The following ATG7 variants were observed in gnomAD, a reference collection of about 807,000 sequenced individuals.
The protein encoded by ATG7 is ubiquitin-like modifier-activating enzyme ATG7.
ATG7 carries 70 observed loss-of-function variants against 82.4 expected under a neutral mutation model. The ratio of observed to expected loss-of-function variants is 0.85; its 90% CI spans 0.70 to 1.04. The LOEUF (loss-of-function observed/expected upper bound fraction) is 1.04, where lower values mean the gene tolerates loss of function less well. ATG7 is among the 50% of genes least tolerant of loss of function. The pLI is 0.00. For synonymous variants in ATG7, 287 were observed against 313.0 expected, an observed-to-expected ratio of 0.92 and a Z score of 0.88; for missense variants, 792 against 864.3, an observed-to-expected ratio of 0.92 and a Z score of 1.05.
At chr3:11,565,798 G>A in the ATG7 span, among the ~76,000 whole-genome samples, 1 of 152,172 alleles carries the variant, frequency 6.6e-6, no homozygotes. The surrounding 1 kb of genome is among the most constrained non-coding windows in gnomAD (Gnocchi z 4.1). Context: ...TTAGTCTGAA[G>A]GCAGCGTTAC....
intron 19 of ATG7, among the ~76,000 whole-genome samples, chr3:11,405,155 G>A (rs1036615197): frequency 5.9e-5 from 9 of 152,124 alleles, no homozygotes; most frequent in African/African-American, 2.2e-4. Flanking sequence ...CTGGAAAAAA[G>A]GCTGGGTGAA....
chr3:11,420,790 T>C (rs1290329425), intron 19 of ATG7, among the ~76,000 whole-genome samples: 1 of 149,174 alleles, frequency 6.7e-6, no homozygotes, highest in Non-Finnish European at 1.5e-5. Context: ...AGAGTCTCAC[T>C]TGTTGCCCAG....
chr3:11,566,179 C>T, the ATG7 span, among the ~76,000 whole-genome samples: 3 of 152,130 alleles, frequency 2.0e-5, no homozygotes, highest in Non-Finnish European at 2.9e-5. Flanking sequence ...CACAATGTTA[C>T]GCATGCACAC....
At chr3:11,488,090 C>T (rs1248771434) in intron 20 of ATG7, among the ~76,000 whole-genome samples, 29 of 16,140 alleles carry the variant, frequency 1.8e-3, no homozygotes, top group African/African-American at 8.0e-3. Context: ...GATGTGATGG[C>T]GGCTGGGAAG....
At position 11,456,991 on chromosome 3, in the gene ATG7, A is replaced by T. The variant is rs576195475; in HGVS notation, c.2079+30065A>T. 5.8e-4 allele frequency among the ~76,000 whole-genome samples: 88 copies of T among 152,324 alleles called. 1 individual carries two copies. The highest frequency in any genetic ancestry group is 9.8e-4 in the Non-Finnish European group (67 of 68,022). Reference sequence around the variant, plus strand: ...AACAATACACACTGTCCTCCTGCTGAACAGTCAGTTGTGGAGTAATAATGC... The same window carrying T: ...AACAATACACACTGTCCTCCTGCTGTACAGTCAGTTGTGGAGTAATAATGC... On this transcript the variant is annotated intron_variant, in intron 20 of 20. Coordinates refer to ENST00000693202, the MANE Select transcript of ATG7 (RefSeq NM_001349232.2).
intron 3 of ATG7, among the ~76,000 whole-genome samples, chr3:11,293,164 A>G (rs1945241812): frequency 6.6e-6 from 1 of 152,208 alleles, no homozygotes; most frequent in Non-Finnish European, 1.5e-5. Context: ...ACACTTAAAT[A>G]TATGTTTAGA....
intron 20 of ATG7, among the ~76,000 whole-genome samples, chr3:11,503,755 C>CAAAAAAAAAAA (rs34065629): frequency 3.9e-5 from 3 of 76,950 alleles, no homozygotes; most frequent in East Asian, 3.5e-4. Context: ...GACTCTGTCT[C>CAAAAAAAAAAA]AAAAAAAAAA....
At chr3:11,557,832 G>A (rs1184842586), downstream of ATG7, 1 of 152,546 alleles carries the variant, frequency 6.6e-6, no homozygotes, top group East Asian at 1.9e-4. Context: ...CCCGTGATTG[G>A]TAGAGTCTGC....
At chr3:11,395,939 CAAAAAAAA>C (rs869125190) in intron 19 of ATG7, among the ~76,000 whole-genome samples, 1 of 25,520 alleles carries the variant, frequency 3.9e-5, no homozygotes, top group Non-Finnish European at 7.4e-5. Flanking sequence ...GACTCTGTCT[CAAAAAAAA>C]AAAAAAAAAA....
chr3:11,351,767 A>T (rs2075564304), intron 14 of ATG7, among the ~76,000 whole-genome samples: 1 of 152,208 alleles, frequency 6.6e-6, no homozygotes, highest in African/African-American at 2.4e-5. Context: ...CATCACGTTC[A>T]TGAAAAATAC....
At chr3:11,339,035 G>C (rs1165807549) in intron 11 of ATG7, among the ~76,000 whole-genome samples, 2 of 152,166 alleles carry the variant, frequency 1.3e-5, no homozygotes, top group Admixed American at 6.5e-5. Flanking sequence ...GGTAACTCAT[G>C]CCTGTAATCC....
intron 14 of ATG7, among the ~76,000 whole-genome samples, chr3:11,350,401 C>T (rs1007424128): frequency 2.6e-5 from 4 of 152,178 alleles, no homozygotes; most frequent in Non-Finnish European, 5.9e-5. Context: ...ATTTCATGTT[C>T]ATGGGTGTGC....
rs764727013 is a variant in ATG7, at chr3:11,298,748, T to G, written c.53T>G (p.Phe18Cys). The change falls in exon 4 of 21, where the codon TTT becomes TGT. Residue 18 changes from phenylalanine (F) to cysteine (C), a missense_variant. Physicochemically the swap from Phe to Cys is radical, Grantham distance 205. Coordinates refer to ENST00000693202, the MANE Select transcript of ATG7 (RefSeq NM_001349232.2). ...PGLSKLQFAP[F>C]SSALDVGFWH... ...CTCTCTAAACTGCAGTTTGCCCCTTTTAGTAGTGCCTTGGATGTTGGGTTT... is the reference window on the plus strand; with the variant it reads ...CTCTCTAAACTGCAGTTTGCCCCTTGTAGTAGTGCCTTGGATGTTGGGTTT... 1 of 1,614,186 alleles carries G rather than the reference T, an allele frequency of 6.2e-7. No individual in the cohort carries two copies. The highest frequency in any genetic ancestry group is 1.1e-5 in the South Asian group (1 of 91,086).
chr3:11,564,573 C>T, the ATG7 span, among the ~76,000 whole-genome samples: 3 of 151,962 alleles, frequency 2.0e-5, no homozygotes, highest in Admixed American at 2.0e-4. Context: ...AGGCAAGGCC[C>T]GGGCAGGTCT....
At chr3:11,348,379 G>T in intron 14 of ATG7, 1 of 198,864 alleles carries the variant, frequency 5.0e-6, no homozygotes, top group Non-Finnish European at 1.0e-5. Flanking sequence ...GATGTGTCTG[G>T]AGTTTCTTCC....
chr3:11,531,744 G>A (rs1008732733), intron 20 of ATG7, among the ~76,000 whole-genome samples: 3 of 151,888 alleles, frequency 2.0e-5, no homozygotes, highest in Non-Finnish European at 4.4e-5. Flanking sequence ...CATGTCCGTA[G>A]TCCCAGCTAC....
At chr3:11,543,550 A>G (rs1040165924) in intron 20 of ATG7, among the ~76,000 whole-genome samples, 1 of 152,290 alleles carries the variant, frequency 6.6e-6, no homozygotes, top group East Asian at 1.9e-4. Flanking sequence ...TTAGAGTACA[A>G]GAGTGGGAAG....
intron 18 of ATG7, among the ~76,000 whole-genome samples, chr3:11,370,792 A>G (rs1369986600): frequency 6.6e-6 from 1 of 151,214 alleles, no homozygotes; most frequent in East Asian, 1.9e-4. Context: ...TTGACTAAAG[A>G]TAATTGAATC....
intron 20 of ATG7, among the ~76,000 whole-genome samples, chr3:11,535,233 G>T (rs2092768254): frequency 1.3e-5 from 2 of 152,190 alleles, no homozygotes; most frequent in Admixed American, 1.3e-4. Flanking sequence ...TCTAGCTCAG[G>T]CCAGTCTTTG....
Sources: allele counts gnomAD v4.1 joint callset (sites outside exome capture counted in the v4.1 genomes callset), GRCh38; gene constraint gnomAD v4.1.1; non-coding constraint Gnocchi (gnomAD v3.1); transcripts MANE v1.5; gene names NCBI Gene and HGNC (gene_info 2026-07-23, HGNC 2026-07-21).